DCHS1: variants seen among roughly 807,000 people sequenced by gnomAD.
The protein encoded by DCHS1 is protocadherin-16.
Under a neutral mutation model 213.9 loss-of-function variants are expected in DCHS1, and 78 were observed. That is an observed-to-expected ratio of 0.36 (90% CI 0.30 to 0.44). DCHS1 has a LOEUF of 0.44. Among genes scored for constraint, DCHS1 ranks in the 20% least tolerant of loss-of-function variants. The pLI is 1.00. For missense variants in DCHS1, 3,946 were observed against 4,395.9 expected (o/e 0.90, Z 2.89); for synonymous variants, 1,828 against 1,873.7 (o/e 0.98, Z 0.63).
rs1185528452 is a variant in DCHS1 at position 6,622,422 on chromosome 11, G to A, written c.9254C>T (p.Ala3085Val). The change falls in exon 21 of 21, where the codon GCC becomes GTC. Residue 3085 changes from alanine to valine, a missense_variant. Transcript: ENST00000299441. The surrounding 1 kb of genome is among the most constrained non-coding windows in gnomAD (Gnocchi z 5.4). ...GLSDTSCEPP[A>V]PDTWYKGRKA... ...TCGGCCCTTATACCAGGTGTCAGGGGCAGGTGGTTCGCAGGATGTGTCACT... is the reference window on the plus strand; with the variant it reads ...TCGGCCCTTATACCAGGTGTCAGGGACAGGTGGTTCGCAGGATGTGTCACT... The A allele has an allele frequency of 1.9e-6, 3 of 1,555,842 alleles. No individual in the cohort carries two copies. Among genetic ancestry groups the A allele is most frequent in the Non-Finnish European group, 2.6e-6 (3 of 1,148,856 alleles).
Position 6,626,795 on chromosome 11 carries a change from G to T in DCHS1, c.6244C>A (p.Pro2082Thr). 1 of 1,611,612 alleles carries T rather than the reference G, an allele frequency of 6.2e-7. No individual in the cohort carries two copies. Among genetic ancestry groups the T allele is most frequent in the East Asian group, 2.2e-5 (1 of 44,886 alleles). ...GAAATGGCTGGGGACCCACCTGGGG[G>T]CGCATTCTCACGAATCGTAGCCTCA... is the stretch of plus-strand genomic sequence containing the variant. ...SSEATIRENAPPGTPIVSPRA... is the reference protein window; with the variant it reads ...SSEATIRENATPGTPIVSPRA... Residue 2082 changes from proline (P) to threonine (T), a missense_variant, in exon 14 of 21, where the codon CCC becomes ACC. Pro to Thr is a conservative substitution (Grantham distance 38). Transcript: ENST00000299441. This position sits in a 1 kb window ranked among gnomAD's most constrained non-coding sequence, Gnocchi z 5.2.
In DCHS1 at chr11:6,627,084, T is replaced by C. The variant is rs750987260; in HGVS notation, c.5955A>G (p.Thr1985=). 1.9e-6 allele frequency: 3 copies of C among 1,613,342 alleles called. No homozygotes were observed. The East Asian group carries it at 6.7e-5, about 36-fold the overall frequency. Residue 1985 remains threonine, a synonymous_variant, in exon 14 of 21, where the codon ACA becomes ACG. Transcript: ENST00000299441. The surrounding 1 kb of genome is among the most constrained non-coding windows in gnomAD (Gnocchi z 5.4). ...CAGCATCACGATCTTCAGCTCTCAGTGTGGCCAGAGCCAGGGTTGGGGTAC... is the reference window on the plus strand; with the variant it reads ...CAGCATCACGATCTTCAGCTCTCAGCGTGGCCAGAGCCAGGGTTGGGGTAC... The part of the protein sequence containing the change: ...SFSTPTLALA[T]LRAEDRDAGA...
At chr11:6,637,650 C>A (rs955745619) in intron 2 of DCHS1, among the ~76,000 whole-genome samples, 14 of 151,920 alleles carry the variant, frequency 9.2e-5, no homozygotes, top group Admixed American at 1.3e-4. Context: ...ATCTGATACT[C>A]TCATAAATTG....
Position 6,625,276 on chromosome 11 carries a change from A to T in DCHS1, c.7068T>A (p.His2356Gln), listed in dbSNP as rs1366896562. The T allele has an allele frequency of 6.2e-7, 1 of 1,613,778 alleles. No individual in the cohort carries two copies. The highest frequency in any genetic ancestry group is 1.7e-4 in the Middle Eastern group (1 of 6,060). ...QLQLLAHDGPHEGRANLTVLV... is the reference protein window; with the variant it reads ...QLQLLAHDGPQEGRANLTVLV... The stretch of plus-strand genomic sequence containing the variant: ...GCACTGTGAGGTTGGCACGGCCCTC[A>T]TGAGGCCCATCATGTGCCAGCAGCT... Residue 2356 changes from histidine (H) to glutamine (Q), a missense_variant, in exon 19 of 21, where the codon CAT becomes CAA. Around this residue, in one of 3 missense-constraint regions of DCHS1, gnomAD observed 3,384 missense variants for 3,780.1 expected, o/e 0.90. Coordinates refer to ENST00000299441, the MANE Select transcript of DCHS1 (RefSeq NM_003737.4). The surrounding 1 kb of genome is among the most constrained non-coding windows in gnomAD (Gnocchi z 5.3).
intron 1 of DCHS1, among the ~76,000 whole-genome samples, chr11:6,651,932 C>T (rs1371029198): frequency 1.3e-5 from 2 of 151,944 alleles, no homozygotes; most frequent in Admixed American, 6.6e-5. Context: ...AGAAATGTGG[C>T]CTAGAAGAGA....
intron 1 of DCHS1, among the ~76,000 whole-genome samples, chr11:6,645,023 T>C (rs995590640): frequency 6.6e-6 from 1 of 152,252 alleles, no homozygotes; most frequent in African/African-American, 2.4e-5. Context: ...AGCCCCAGGC[T>C]GCGCATTATG....
intron 2 of DCHS1, among the ~76,000 whole-genome samples, chr11:6,638,511 G>A (rs1029136489): frequency 6.6e-6 from 1 of 152,122 alleles, no homozygotes; most frequent in Non-Finnish European, 1.5e-5. Flanking sequence ...ACACGTCCTG[G>A]TATTTGTTCA....
At position 6,633,878 on chromosome 11, in the gene DCHS1, T is replaced by A; in HGVS notation, c.2129A>T (p.His710Leu). Residue 710 changes from histidine to leucine, a missense_variant, in exon 4 of 21, where the codon CAT becomes CTT. His to Leu is a moderately conservative substitution (Grantham distance 99, BLOSUM62 -3). Transcript: ENST00000299441. ...CCCATGGGATCCCTGGTCAGGGTCA[T>A]GGGCACGCAACCTCAGCACAGCTGT... ...PGTAVLRLRA[H>L]DPDQGSHGRL... 6.2e-7 allele frequency: 1 copy of A among 1,613,990 alleles called. No homozygotes were observed. Among genetic ancestry groups the A allele is most frequent in the Non-Finnish European group, 8.5e-7 (1 of 1,179,882 alleles).
At chr11:6,629,601 C>T (rs1855867436) in intron 11 of DCHS1, 24 bp from the exon 12 acceptor site, 2 of 1,613,180 alleles carry the variant, frequency 1.2e-6, no homozygotes, top group South Asian at 1.1e-5. Context: ...GCATGGAGGG[C>T]GATCAGAGGG....
At chr11:6,639,111 A>G (rs75928647) in intron 2 of DCHS1, among the ~76,000 whole-genome samples, 1 of 47,254 alleles carries the variant, frequency 2.1e-5, no homozygotes, top group Non-Finnish European at 7.4e-5. Context: ...CTCCGCCTCA[A>G]AAAAAAAAAA....
intron 1 of DCHS1, among the ~76,000 whole-genome samples, chr11:6,645,229 G>A (rs1379000961): frequency 1.3e-5 from 2 of 152,164 alleles, no homozygotes; most frequent in African/African-American, 4.8e-5. Context: ...TGTGCCACAT[G>A]GAATAACAGG....
At chr11:6,631,500 T>G (rs1855907187) in intron 7 of DCHS1, 93 bp from the exon 8 acceptor site, 7 of 1,592,942 alleles carry the variant, frequency 4.4e-6, no homozygotes, top group Non-Finnish European at 6.0e-6. Context: ...GCAGAACCTC[T>G]TTTCGGCTCT....
Position 6,628,490 on chromosome 11 carries a change from G to T in DCHS1, c.5371+131C>A. 1.0e-6 allele frequency: 1 copy of T among 964,152 alleles called. No individual in the cohort carries two copies. Among genetic ancestry groups the T allele is most frequent in the Non-Finnish European group, 1.6e-6 (1 of 626,486 alleles). 59.7% of individuals were successfully genotyped at this position (964,152 alleles called of 1,614,324 possible). On this transcript the variant is annotated intron_variant, in intron 13 of 20. Coordinates refer to ENST00000299441, the MANE Select transcript of DCHS1 (RefSeq NM_003737.4). The surrounding 1 kb of genome is among the most constrained non-coding windows in gnomAD (Gnocchi z 4.3). ...ACCTAGCTACACTGGGTATAAGCAT[G>T]AAAGAAAAGGTGGACGACATCAAGA...
chr11:6,622,672 G>A lies in DCHS1; in HGVS notation c.9004C>T (p.Leu3002Phe), dbSNP rs758870230. 5 of 1,594,502 alleles carry A rather than the reference G, an allele frequency of 3.1e-6. No individual in the cohort carries two copies. The Admixed American group carries it at 8.7e-5, about 28-fold the overall frequency. ...EPPSPPPSEHLYHQTLPSYGG... is the reference protein window; with the variant it reads ...EPPSPPPSEHFYHQTLPSYGG... ...TAGCTGGGAAGAGTCTGGTGATAGA[G>A]GTGCTCAGAGGGTGGTGGACTAGGT... Residue 3002 changes from leucine (L) to phenylalanine (F), a missense_variant, in exon 21 of 21, where the codon CTC (leucine) becomes TTC (phenylalanine). Around this residue, in one of 3 missense-constraint regions of DCHS1, gnomAD observed 554 missense variants for 590.2 expected, o/e 0.94. Transcript: ENST00000299441. The surrounding 1 kb of genome is among the most constrained non-coding windows in gnomAD (Gnocchi z 5.4).
Position 6,627,717 on chromosome 11 carries a change from G to A in DCHS1, c.5372-50C>T, listed in dbSNP as rs1240162783. The stretch of plus-strand genomic sequence containing the variant: ...AAATATACATGTGTCGTGGGGATGG[G>A]GGTGATTTACAGACAACAGGAGAGA... On this transcript the variant is annotated intron_variant, in intron 13 of 20. Coordinates refer to ENST00000299441, the MANE Select transcript of DCHS1 (RefSeq NM_003737.4). The surrounding 1 kb of genome is among the most constrained non-coding windows in gnomAD (Gnocchi z 5.4). The A allele has an allele frequency of 6.4e-7, 1 of 1,566,892 alleles. No individual in the cohort carries two copies. Among genetic ancestry groups the A allele is most frequent in the Non-Finnish European group, 8.7e-7 (1 of 1,152,508 alleles).
Position 6,622,266 on chromosome 11 carries a change from G to T in DCHS1, c.9410C>A (p.Ala3137Glu), listed in dbSNP as rs765265323. 8.1e-6 allele frequency: 13 copies of T among 1,605,130 alleles called. No homozygotes were observed. The highest frequency in any genetic ancestry group is 8.5e-6 in the Non-Finnish European group (10 of 1,176,908). ...PAPTGDYGFP[A>E]DGKPCVAGAL... ...ACCTGCCACACATGGCTTGCCATCT[G>T]CTGGGAAGCCATAGTCCCCAGTGGG... Residue 3137 changes from alanine to glutamate, a missense_variant, in exon 21 of 21, where the codon GCA becomes GAA. Around this residue, in one of 3 missense-constraint regions of DCHS1, gnomAD observed 554 missense variants for 590.2 expected, o/e 0.94. Transcript: ENST00000299441. The surrounding 1 kb of genome is among the most constrained non-coding windows in gnomAD (Gnocchi z 5.4).
In DCHS1 at chr11:6,623,483, G is replaced by A. The variant is rs201953922; in HGVS notation, c.8193C>T (p.Ile2731=). 2.5e-5 allele frequency: 39 copies of A among 1,589,136 alleles called. No individual in the cohort carries two copies. The highest frequency in any genetic ancestry group is 3.1e-5 in the Non-Finnish European group (36 of 1,167,816). ...PGTLVTTLHA[I]DGDAGAFGRL... is the part of the protein sequence containing the mutation. ...TCCCAAAAGCCCCAGCATCCCCGTC[G>A]ATTGCATGCAGAGTGGTCACGAGAG... Residue 2731 remains isoleucine, a synonymous_variant, in exon 21 of 21, where the codon ATC becomes ATT. Coordinates refer to ENST00000299441, the MANE Select transcript of DCHS1 (RefSeq NM_003737.4).
At position 6,629,872 on chromosome 11, in the gene DCHS1, C is replaced by T. The variant is rs538937774; in HGVS notation, c.4835G>A (p.Arg1612Gln). Reference protein sequence around the residue: ...SVVRPLDREQRAEHVLTVVAS... With the variant: ...SVVRPLDREQQAEHVLTVVAS... ...CACCACTGTCAGTACGTGCTCAGCT[C>T]GTTGTTCGCGGTCCAACGGCCGCAC... Residue 1612 changes from arginine to glutamine, a missense_variant, in exon 11 of 21, where the codon CGA (arginine) becomes CAA (glutamine). By Grantham distance (43) the Arg-to-Gln change is conservative (BLOSUM62 1). Around this residue, in one of 3 missense-constraint regions of DCHS1, gnomAD observed 3,384 missense variants for 3,780.1 expected, o/e 0.90. Coordinates refer to ENST00000299441, the MANE Select transcript of DCHS1 (RefSeq NM_003737.4). 2.9e-4 allele frequency: 463 copies of T among 1,612,904 alleles called. 5 individuals carry two copies. In the South Asian group the frequency reaches 4.8e-3, roughly 17 times the overall value.
intron 1 of DCHS1, among the ~76,000 whole-genome samples, chr11:6,644,199 CT>C (rs1055300590): frequency 6.6e-5 from 10 of 152,214 alleles, no homozygotes; most frequent in Admixed American, 4.6e-4. Context: ...ACAAATGCCC[CT>C]CTACGGAAAG....
Sources: gnomAD v4.1 joint callset for allele counts (sites outside exome capture counted in the v4.1 genomes callset) on GRCh38, gnomAD v4.1.1 for gene constraint, gnomAD v4.1.1 regional missense constraint, Gnocchi (gnomAD v3.1) non-coding constraint, MANE v1.5 for transcripts, NCBI Gene and HGNC (gene_info 2026-07-23, HGNC 2026-07-21) for gene names.